Variants in PDE8B observed in about 807,000 individuals in gnomAD.
PDE8B encodes the protein high affinity cAMP-specific and IBMX-insensitive 3',5'-cyclic phosphodiesterase 8B.
A neutral mutation model predicts 101.3 loss-of-function variants in PDE8B; 26 were observed. The observed-to-expected ratio is 0.26, with a 90% CI of 0.19 to 0.36. PDE8B has a LOEUF of 0.36. Among genes scored for constraint, PDE8B ranks in the 10% least tolerant of loss-of-function variants. The pLI, the probability that PDE8B is intolerant of heterozygous loss-of-function variation, is 1.00. For synonymous variants in PDE8B, 424 were observed against 429.3 expected (o/e 0.99, Z 0.15); for missense variants, 810 against 1,163.1 (o/e 0.70, Z 4.42).
At position 77,369,448 on chromosome 5, in the gene PDE8B, G is replaced by C. The variant is rs563935851; in HGVS notation, c.1167+16042G>C. Among the ~76,000 whole-genome samples, 6 of 152,176 alleles carry C rather than the reference G, an allele frequency of 3.9e-5. No homozygotes were observed. The South Asian group carries it at 1.0e-3, about 26-fold the overall frequency. ...AGGGAGGATGAGGGTGTGCTGGACC[G>C]AGGTGACATAAGAGCCAACGTCTGG... On this transcript the variant is annotated intron_variant, in intron 10 of 21. Transcript: ENST00000264917.
the PDE8B span, chr5:77,112,047 A>G: frequency 6.6e-6 from 1 of 152,218 alleles, no homozygotes; most frequent in Non-Finnish European, 1.5e-5. Context: ...AAATAGTATA[A>G]TTTCAACATG....
At chr5:77,096,254 G>A in the PDE8B span, among the ~76,000 whole-genome samples, 2 of 152,174 alleles carry the variant, frequency 1.3e-5, no homozygotes, top group African/African-American at 4.8e-5. Context: ...CTCCCAAAGT[G>A]TTGGGATTAC....
At chr5:77,231,534 C>T (rs998484664) in intron 1 of PDE8B, among the ~76,000 whole-genome samples, 15 of 152,112 alleles carry the variant, frequency 9.9e-5, no homozygotes, top group Non-Finnish European at 2.2e-4. Context: ...AAAGTAGGAA[C>T]GATGATAATG....
At chr5:77,101,277 T>C in the PDE8B span, among the ~76,000 whole-genome samples, 1 of 152,070 alleles carries the variant, frequency 6.6e-6, no homozygotes, top group African/African-American at 2.4e-5. Context: ...GGTCAATTTT[T>C]TTCTTTTGCA....
chr5:77,309,176 CAGAA>C (rs892141342), intron 1 of PDE8B, among the ~76,000 whole-genome samples: 7 of 112,434 alleles, frequency 6.2e-5, no homozygotes, highest in South Asian at 6.3e-4. Context: ...GAAACTCTGT[CAGAA>C]AGAAAGAAAG....
chr5:77,275,846 A>G (rs1763759598), intron 1 of PDE8B, among the ~76,000 whole-genome samples: 1 of 152,244 alleles, frequency 6.6e-6, no homozygotes, highest in Non-Finnish European at 1.5e-5. Flanking sequence ...TGAGGTTGGA[A>G]AGCTTAAAAG....
chr5:77,233,587 T>G (rs1754027314), intron 1 of PDE8B, among the ~76,000 whole-genome samples: 1 of 152,050 alleles, frequency 6.6e-6, no homozygotes, highest in African/African-American at 2.4e-5. Context: ...TAGTAGTTTA[T>G]CTGCCTCCAT....
chr5:77,406,683 C>A (rs1358591415), intron 12 of PDE8B, among the ~76,000 whole-genome samples: 1 of 152,242 alleles, frequency 6.6e-6, no homozygotes, highest in Non-Finnish European at 1.5e-5. Flanking sequence ...GACTCCCCCT[C>A]CTGCCTGCCT....
the PDE8B span, among the ~76,000 whole-genome samples, chr5:77,185,794 G>A: frequency 6.6e-6 from 1 of 152,150 alleles, no homozygotes; most frequent in East Asian, 1.9e-4. Flanking sequence ...ATTTAAAGCG[G>A]CCCAATGTTA....
In PDE8B at chr5:77,344,825, A is replaced by T. The variant is rs762106858; in HGVS notation, c.798-28A>T. The T allele has an allele frequency of 2.2e-6, 3 of 1,389,944 alleles. No individual in the cohort carries two copies. The Admixed American group carries it at 5.0e-5, about 23-fold the overall frequency. The allele number at this position is 1,389,944 out of a possible 1,614,324, so 86.1% of individuals were successfully genotyped here. A position where few individuals can be genotyped will look rare whatever the true frequency, so the allele number is the denominator to read the frequency against. ...AAATGTGAATGGTTTTCATAGAAGAACTAACTTCAATCTTTTATAACTTTC... is the reference window on the plus strand; with the variant it reads ...AAATGTGAATGGTTTTCATAGAAGATCTAACTTCAATCTTTTATAACTTTC... On this transcript the variant is annotated intron_variant, in intron 6 of 21. Coordinates refer to ENST00000264917, the MANE Select transcript of PDE8B (RefSeq NM_003719.5).
chr5:77,284,485 T>C (rs565722568), intron 1 of PDE8B, among the ~76,000 whole-genome samples: 1 of 152,344 alleles, frequency 6.6e-6, no homozygotes, highest in African/African-American at 2.4e-5. Flanking sequence ...TTCCTTTTTA[T>C]AAACTTTTTG....
chr5:77,338,827 G>C (rs1320792652), intron 6 of PDE8B, among the ~76,000 whole-genome samples: 1 of 152,144 alleles, frequency 6.6e-6, no homozygotes, highest in Non-Finnish European at 1.5e-5. Flanking sequence ...AATGAACGGC[G>C]CAACACCTCA....
At chr5:77,423,034 C>T (rs1045998375) in intron 20 of PDE8B, among the ~76,000 whole-genome samples, 2 of 152,280 alleles carry the variant, frequency 1.3e-5, no homozygotes, top group Non-Finnish European at 1.5e-5. Flanking sequence ...TTTGAAGTCT[C>T]CAGTGTCTAC....
chr5:77,289,363 T>C (rs554368092), intron 1 of PDE8B, among the ~76,000 whole-genome samples: 57 of 152,382 alleles, frequency 3.7e-4, no homozygotes, highest in African/African-American at 1.3e-3. Context: ...TATATATTTA[T>C]AGGTTCTTAC....
chr5:77,408,081 A>G (rs1004174578), intron 13 of PDE8B, among the ~76,000 whole-genome samples: 1 of 152,218 alleles, frequency 6.6e-6, no homozygotes, highest in Non-Finnish European at 1.5e-5. Context: ...GGAGGTGGCA[A>G]GAGAACAGGT....
upstream of PDE8B, among the ~76,000 whole-genome samples, chr5:77,205,798 G>T (rs996220823): frequency 9.9e-5 from 15 of 151,940 alleles, no homozygotes; most frequent in Non-Finnish European, 2.1e-4. Flanking sequence ...ATCTATGTAC[G>T]TATCTATTTT....
rs771902050 is a variant in PDE8B, at chr5:77,428,122, T to C, written c.*1568T>C. On this transcript the variant is annotated 3_prime_UTR_variant, in exon 22 of 22. Coordinates refer to ENST00000264917, the MANE Select transcript of PDE8B (RefSeq NM_003719.5). ...GGTCAGGACAGCAGCCAGCTTTGTA[T>C]TGTAATGCTATATTATGTAAATGTG... is the stretch of plus-strand genomic sequence containing the variant. The C allele has an allele frequency of 3.9e-5, 6 of 152,218 alleles. No homozygotes were observed. Among genetic ancestry groups the C allele is most frequent in the Non-Finnish European group, 8.8e-5 (6 of 68,024 alleles). The allele number at this position is 152,218 out of a possible 1,614,324, so 9.4% of individuals were successfully genotyped here. A position where few individuals can be genotyped will look rare whatever the true frequency, so the allele number is the denominator to read the frequency against.
chr5:77,177,826 G>C, the PDE8B span, among the ~76,000 whole-genome samples: 1 of 152,170 alleles, frequency 6.6e-6, no homozygotes, highest in Non-Finnish European at 1.5e-5. Flanking sequence ...ACGGAAGCAG[G>C]ACACCTCTAG....
chr5:77,424,159 C>T (rs74581995), intron 20 of PDE8B, among the ~76,000 whole-genome samples: 128 of 152,238 alleles, frequency 8.4e-4, no homozygotes, highest in Admixed American at 2.7e-3. Context: ...GCTGCTTGAT[C>T]GACTGACCTG....
Sources: allele counts gnomAD v4.1 joint callset (sites outside exome capture counted in the v4.1 genomes callset), GRCh38; gene constraint gnomAD v4.1.1; transcripts MANE v1.5; gene names NCBI Gene and HGNC (gene_info 2026-07-23, HGNC 2026-07-21).